GLG1: variants seen among roughly 807,000 people sequenced by gnomAD.
GLG1 encodes golgi glycoprotein 1.
In GLG1, 38 loss-of-function variants were observed where a neutral mutation model predicts 160.5. That is an observed-to-expected ratio of 0.24 (90% CI 0.18 to 0.31). The LOEUF is 0.31. Among genes scored for constraint, GLG1 ranks in the 10% least tolerant of loss-of-function variants. The pLI is 1.00. For synonymous variants in GLG1, 644 were observed against 543.4 expected (o/e 1.19, Z -2.57); for missense variants, 1,373 against 1,505.2 (o/e 0.91, Z 1.45).
rs377329398 is a variant in GLG1, at chr16:74,450,363, G to A, written c.*2804C>T. 1 of 152,156 alleles carries A rather than the reference G, an allele frequency of 6.6e-6. No individual in the cohort carries two copies. Among genetic ancestry groups the A allele is most frequent in the East Asian group, 1.9e-4 (1 of 5,190 alleles). 9.4% of individuals were successfully genotyped at this position (152,156 alleles called of 1,614,324 possible). On this transcript the variant is annotated 3_prime_UTR_variant, in exon 26 of 26. Coordinates refer to ENST00000422840, the MANE Select transcript of GLG1 (RefSeq NM_001145667.2). ...GCCCTGTTTTGTTTTGCCAAATGAG[G>A]GACTTAATGAGTGCGGCCAGTTCAG...
At chr16:74,504,583 T>A (rs1244615812) in intron 3 of GLG1, among the ~76,000 whole-genome samples, 1 of 152,218 alleles carries the variant, frequency 6.6e-6, no homozygotes. Context: ...CCACCTCACC[T>A]GGCCTACTTC....
At chr16:74,528,270 G>C (rs1597312074) in intron 2 of GLG1, among the ~76,000 whole-genome samples, 1 of 151,878 alleles carries the variant, frequency 6.6e-6, no homozygotes, top group East Asian at 1.9e-4. Flanking sequence ...CAAAATGCTG[G>C]GATTACAGGG....
chr16:74,482,400 C>A (rs2015633614), intron 10 of GLG1, among the ~76,000 whole-genome samples: 1 of 152,280 alleles, frequency 6.6e-6, no homozygotes, highest in Non-Finnish European at 1.5e-5. Context: ...TTGGATCCAG[C>A]ACTGGCTGCT....
chr16:74,570,476 A>C (rs2018793536), intron 1 of GLG1, among the ~76,000 whole-genome samples: 1 of 152,022 alleles, frequency 6.6e-6, no homozygotes, highest in Non-Finnish European at 1.5e-5. Flanking sequence ...AAATGCACTG[A>C]AAGAAAAATA....
chr16:74,556,198 C>T lies in GLG1; in HGVS notation c.439-24045G>A, dbSNP rs191206025. Among the ~76,000 whole-genome samples, 28 of 152,204 alleles carry T rather than the reference C, an allele frequency of 1.8e-4. No individual in the cohort carries two copies. In the South Asian group the frequency reaches 3.1e-3, roughly 17 times the overall value. On this transcript the variant is annotated intron_variant, in intron 1 of 25. Coordinates refer to ENST00000422840, the MANE Select transcript of GLG1 (RefSeq NM_001145667.2). ...TACAAATTCCTAAATCACAAAATGT[C>T]CCTCTTACTCTTACTATAACAAAGT...
chr16:74,542,771 AAGG>A (rs2017935117), intron 1 of GLG1, among the ~76,000 whole-genome samples: 2 of 137,180 alleles, frequency 1.5e-5, no homozygotes, highest in African/African-American at 2.8e-5. Flanking sequence ...GGAAGGAAGG[AAGG>A]AAGGAAGGAA....
intron 1 of GLG1, among the ~76,000 whole-genome samples, chr16:74,601,420 A>C (rs1958437261): frequency 1.3e-5 from 2 of 151,276 alleles, no homozygotes; most frequent in Non-Finnish European, 2.9e-5. Context: ...TCTCTCTTAA[A>C]ATTAAAAAAA....
intron 1 of GLG1, among the ~76,000 whole-genome samples, chr16:74,577,467 A>T (rs2019037432): frequency 6.6e-6 from 1 of 151,658 alleles, no homozygotes; most frequent in Non-Finnish European, 1.5e-5. Context: ...AAGTGCAGTG[A>T]ACAGCAATGG....
intron 23 of GLG1, chr16:74,458,203 G>A (rs574395312): frequency 4.3e-6 from 2 of 462,182 alleles, no homozygotes; most frequent in South Asian, 4.3e-5. Flanking sequence ...ACAAAACTGT[G>A]TGTTGGAAAA....
chr16:74,587,829 C>G (rs963565656), intron 1 of GLG1, among the ~76,000 whole-genome samples: 1 of 152,104 alleles, frequency 6.6e-6, no homozygotes, highest in African/African-American at 2.4e-5. Flanking sequence ...GCACTCCAGC[C>G]TGGCGACACA....
intron 1 of GLG1, among the ~76,000 whole-genome samples, chr16:74,562,754 C>T (rs189029105): frequency 6.6e-6 from 1 of 152,332 alleles, no homozygotes; most frequent in Admixed American, 6.5e-5. Context: ...AGATTACAGG[C>T]ATGAGCTACC....
chr16:74,505,205 T>G (rs2016552874), intron 3 of GLG1, among the ~76,000 whole-genome samples: 1 of 152,222 alleles, frequency 6.6e-6, no homozygotes, highest in South Asian at 2.1e-4. Flanking sequence ...GGAATTATCC[T>G]ATAGGCAACA....
At chr16:74,557,540 T>C (rs1206820476) in intron 1 of GLG1, among the ~76,000 whole-genome samples, 2 of 152,132 alleles carry the variant, frequency 1.3e-5, no homozygotes, top group African/African-American at 2.4e-5. Flanking sequence ...ACTCTAGGCA[T>C]AGTTAATTCA....
intron 1 of GLG1, among the ~76,000 whole-genome samples, chr16:74,590,778 C>T (rs934511141): frequency 1.1e-5 from 1 of 94,454 alleles, no homozygotes; most frequent in Admixed American, 1.4e-4. Flanking sequence ...GCCTGGGCAA[C>T]AAGAGTGAAA....
intron 1 of GLG1, among the ~76,000 whole-genome samples, chr16:74,592,260 A>T (rs1225661665): frequency 6.6e-6 from 1 of 152,208 alleles, no homozygotes; most frequent in Non-Finnish European, 1.5e-5. Context: ...CTCCTGCCTC[A>T]GCCTCCTGAG....
intron 1 of GLG1, among the ~76,000 whole-genome samples, chr16:74,557,353 T>C (rs546200959): frequency 3.9e-5 from 6 of 152,166 alleles, no homozygotes; most frequent in South Asian, 2.1e-4. Context: ...ATTTTAATCA[T>C]AGAGGTCTTT....
At chr16:74,572,527 C>CAAAAA (rs35659060) in intron 1 of GLG1, among the ~76,000 whole-genome samples, 1 of 127,468 alleles carries the variant, frequency 7.8e-6, no homozygotes, top group Non-Finnish European at 1.7e-5. Context: ...AAAAAACAAA[C>CAAAAA]AAAAAAAAAA....
At chr16:74,591,747 C>A (rs1481406734) in intron 1 of GLG1, among the ~76,000 whole-genome samples, 2 of 152,156 alleles carry the variant, frequency 1.3e-5, no homozygotes, top group Admixed American at 6.6e-5. Context: ...ATGTTCCAAC[C>A]TGGGAAATAT....
intron 2 of GLG1, among the ~76,000 whole-genome samples, chr16:74,518,363 T>C (rs1567498520): frequency 2.6e-5 from 4 of 152,142 alleles, no homozygotes; most frequent in Admixed American, 1.3e-4. Context: ...TACAGGCCAA[T>C]GGAACAGAAT....
Sources: gnomAD v4.1 joint callset for allele counts (sites outside exome capture counted in the v4.1 genomes callset) on GRCh38, gnomAD v4.1.1 for gene constraint, MANE v1.5 for transcripts, NCBI Gene and HGNC (gene_info 2026-07-23, HGNC 2026-07-21) for gene names.